SAMD7: variants seen among roughly 807,000 people sequenced by gnomAD.
SAMD7 encodes the protein sterile alpha motif domain-containing protein 7.
Under a neutral mutation model 36.7 loss-of-function variants are expected in SAMD7, and 34 were observed. The ratio of observed to expected loss-of-function variants is 0.93; its 90% CI spans 0.71 to 1.23. The LOEUF (loss-of-function observed/expected upper bound fraction) is 1.23, where lower values mean the gene tolerates loss of function less well. Ranked by LOEUF, SAMD7 falls within the 50% of genes most tolerant of loss-of-function variation. The probability of loss-of-function intolerance (pLI) is 0.00; values close to 1 mark genes in which losing one functional copy is unlikely to be tolerated. For synonymous variants in SAMD7, 188 were observed against 189.7 expected, an observed-to-expected ratio of 0.99 and a Z score of 0.07; for missense variants, 570 against 546.6, an observed-to-expected ratio of 1.04 and a Z score of -0.43.
chr3:169,922,919 A>T (rs1713108177), intron 4 of SAMD7, among the ~76,000 whole-genome samples: 1 of 152,244 alleles, frequency 6.6e-6, no homozygotes, highest in Admixed American at 6.5e-5. Flanking sequence ...AACTGAGAAT[A>T]TATCATTAGA....
At chr3:169,919,367 ATAC>A in intron 2 of SAMD7, 88 bp from the exon 3 acceptor site, 1 of 706,752 alleles carries the variant, frequency 1.4e-6, no homozygotes, top group South Asian at 1.8e-5. Context: ...TGTTGTGAAA[ATAC>A]AAAAGGCTTT....
intron 2 of SAMD7, among the ~76,000 whole-genome samples, chr3:169,916,087 A>G (rs1407435071): frequency 6.6e-6 from 1 of 152,186 alleles, no homozygotes; most frequent in East Asian, 1.9e-4. Context: ...AACACTCAAC[A>G]TGAAATTTAC....
In SAMD7 at chr3:169,936,382, T is replaced by C; in HGVS notation, c.1085T>C (p.Leu362Pro). The C allele has an allele frequency of 6.2e-7, 1 of 1,613,592 alleles. No homozygotes were observed. Among genetic ancestry groups the C allele is most frequent in the Non-Finnish European group, 8.5e-7 (1 of 1,179,584 alleles). ...ATTGATGGAGAAACTTTGCCATTAC[T>C]CACAGAAGAGCATCTTCGAGGCACT... ...HAIDGETLPL[L>P]TEEHLRGTMG... Residue 362 changes from leucine to proline, a missense_variant, in exon 8 of 9, where the codon CTC becomes CCC. Leu to Pro is a moderately conservative substitution (Grantham distance 98). Coordinates refer to ENST00000335556, the MANE Select transcript of SAMD7 (RefSeq NM_001304366.2).
At position 169,928,645 on chromosome 3, in the gene SAMD7, T is replaced by C. The variant is rs1559952618; in HGVS notation, c.1041+67T>C. ...TGAAATATCTTTCCTGCATAATGAATTAGGTCAAACTTGCATTGTGCCTCC... is the reference window on the plus strand; with the variant it reads ...TGAAATATCTTTCCTGCATAATGAACTAGGTCAAACTTGCATTGTGCCTCC... On this transcript the variant is annotated intron_variant, in intron 7 of 8. Transcript: ENST00000335556. The C allele has an allele frequency of 2.0e-6, 3 of 1,520,706 alleles. No homozygotes were observed. In the East Asian group the frequency reaches 6.8e-5, roughly 35 times the overall value. 94.2% of individuals were successfully genotyped at this position (1,520,706 alleles called of 1,614,324 possible).
intron 3 of SAMD7, among the ~76,000 whole-genome samples, chr3:169,920,653 A>T (rs1319017741): frequency 6.6e-6 from 1 of 152,208 alleles, no homozygotes; most frequent in African/African-American, 2.4e-5. Context: ...ACACTCTGGA[A>T]ATAACTTACC....
chr3:169,923,432 C>A (rs756311382), intron 4 of SAMD7, among the ~76,000 whole-genome samples: 5 of 152,172 alleles, frequency 3.3e-5, no homozygotes, highest in Non-Finnish European at 7.4e-5. Flanking sequence ...CGACAACAGG[C>A]CAATAGACTA....
intron 8 of SAMD7, among the ~76,000 whole-genome samples, chr3:169,936,656 A>G (rs1713727185): frequency 6.6e-6 from 1 of 152,180 alleles, no homozygotes; most frequent in African/African-American, 2.4e-5. Flanking sequence ...TGGGAAGATG[A>G]TAAGCAAGGA....
intron 3 of SAMD7, 63 bp from the exon 4 acceptor site, chr3:169,921,151 C>A: frequency 6.9e-7 from 1 of 1,459,542 alleles, no homozygotes; most frequent in Non-Finnish European, 9.6e-7. Context: ...ATTGTCTCAG[C>A]CATGGAAATT....
intron 7 of SAMD7, among the ~76,000 whole-genome samples, 197 bp downstream of exon 7, chr3:169,928,775 G>A (rs1228025259): frequency 6.6e-6 from 1 of 152,182 alleles, no homozygotes; most frequent in Non-Finnish European, 1.5e-5. Flanking sequence ...AGCATCAGGG[G>A]AGGCTGGGAA....
chr3:169,932,058 G>A, intron 7 of SAMD7: 1 of 587,004 alleles, frequency 1.7e-6, no homozygotes, highest in Non-Finnish European at 2.8e-6. Context: ...CTTCACCAAA[G>A]TTTTCCTGAT....
At chr3:169,932,964 A>G (rs1713573727) in intron 7 of SAMD7, 1 of 695,204 alleles carries the variant, frequency 1.4e-6, no homozygotes. Context: ...CCCTTGCTGG[A>G]TGAAAGAAGC....
chr3:169,934,020 C>A (rs1289904311), intron 7 of SAMD7, among the ~76,000 whole-genome samples: 2 of 152,094 alleles, frequency 1.3e-5, no homozygotes, highest in Admixed American at 6.5e-5. Flanking sequence ...ATGGTTGGGA[C>A]TTTGAGAGTA....
At chr3:169,936,310 C>A in intron 7 of SAMD7, 29 bp from the exon 8 acceptor site, 2 of 1,353,646 alleles carry the variant, frequency 1.5e-6, no homozygotes, top group Non-Finnish European at 2.1e-6. Flanking sequence ...GACATTCAGA[C>A]AGAGTTAACA....
chr3:169,930,802 C>T (rs1289174120), intron 7 of SAMD7, among the ~76,000 whole-genome samples: 1 of 152,018 alleles, frequency 6.6e-6, no homozygotes, highest in Non-Finnish European at 1.5e-5. Flanking sequence ...AGGCTGGTCT[C>T]AACCTCCTGA....
chr3:169,921,721 G>A (rs1299778720), intron 4 of SAMD7, among the ~76,000 whole-genome samples: 1 of 152,180 alleles, frequency 6.6e-6, no homozygotes, highest in African/African-American at 2.4e-5. Context: ...AAAAAGGGAA[G>A]CCATCAAGGG....
chr3:169,935,868 C>A (rs1374132600), intron 7 of SAMD7, among the ~76,000 whole-genome samples: 1 of 152,184 alleles, frequency 6.6e-6, no homozygotes, highest in Non-Finnish European at 1.5e-5. Context: ...ATTTCCCTCC[C>A]CTCCCTTTAC....
At chr3:169,936,596 G>A (rs1713725387) in intron 8 of SAMD7, 147 bp downstream of exon 8, 4 of 575,868 alleles carry the variant, frequency 6.9e-6, no homozygotes, top group Non-Finnish European at 1.2e-5. Flanking sequence ...TAGAAGTGAG[G>A]GACCCTGAAA....
intron 1 of SAMD7, among the ~76,000 whole-genome samples, chr3:169,912,727 A>G (rs1435968964): frequency 6.6e-6 from 1 of 152,234 alleles, no homozygotes; most frequent in Non-Finnish European, 1.5e-5. Flanking sequence ...ACTGTCTTCA[A>G]TGCTTTCCAG....
intron 7 of SAMD7, among the ~76,000 whole-genome samples, chr3:169,934,520 G>A (rs1220285260): frequency 1.3e-5 from 2 of 152,170 alleles, no homozygotes; most frequent in African/African-American, 4.8e-5. Context: ...CACTGAAGGG[G>A]GTAGGAAAGA....
Sources: gnomAD v4.1 joint callset for allele counts (sites outside exome capture counted in the v4.1 genomes callset) on GRCh38, gnomAD v4.1.1 for gene constraint, MANE v1.5 for transcripts, NCBI Gene and HGNC (gene_info 2026-07-23, HGNC 2026-07-21) for gene names.